Variants in RAB3IL1 observed in about 807,000 individuals in gnomAD.
The protein encoded by RAB3IL1 is RAB3A interacting protein like 1, also known as guanine nucleotide exchange factor for Rab-3A.
RAB3IL1 carries 37 observed loss-of-function variants against 49.2 expected under a neutral mutation model. The observed-to-expected ratio is 0.75, with a 90% confidence interval of 0.58 to 0.99. RAB3IL1 has a LOEUF of 0.99. Ranked by LOEUF, RAB3IL1 falls within the 50% of genes least tolerant of loss-of-function variation. The pLI is 0.00. For missense variants in RAB3IL1, 484 were observed against 513.0 expected (o/e 0.94, Z 0.55); for synonymous variants, 193 against 213.9 (o/e 0.90, Z 0.85).
intron 4 of RAB3IL1, 46 bp downstream of exon 4, chr11:61,907,346 CA>C (rs1417049232): frequency 1.4e-5 from 22 of 1,594,332 alleles, no homozygotes; most frequent in Admixed American, 1.7e-5. Flanking sequence ...AGCCGGGAGG[CA>C]GGGGGGGTGC....
rs1041216344 is a variant in RAB3IL1 at position 61,908,301 on chromosome 11, G to A, written c.17C>T (p.Pro6Leu). 6.8e-7 allele frequency: 1 copy of A among 1,474,758 alleles called. No individual in the cohort carries two copies. The allele number at this position is 1,474,758 out of a possible 1,614,324, so 91.4% of individuals were successfully genotyped here. A position where few individuals can be genotyped will look rare whatever the true frequency, so the allele number is the denominator to read the frequency against. ...CGGCGGGAGGCCCTGGTCTGGCTGG[G>A]GTGGGCTGGAGACAAACAAGGGTAT... The part of the protein sequence containing the change: MWSGP[P>L]QPDQGLPPPL... The change falls in exon 2 of 10, where the codon CCC (proline) becomes CTC (leucine). Residue 6 changes from proline (P) to leucine (L), a missense_variant. By Grantham distance (98) the Pro-to-Leu change is moderately conservative. Transcript: ENST00000394836.
chr11:61,904,441 G>T, intron 7 of RAB3IL1, 105 bp downstream of exon 7: 1 of 1,141,170 alleles, frequency 8.8e-7, no homozygotes, highest in Non-Finnish European at 1.3e-6. Flanking sequence ...AACTGTCCCT[G>T]TCCTGTCGGC....
chr11:61,938,713 G>T, the RAB3IL1 span, among the ~76,000 whole-genome samples: 1 of 152,008 alleles, frequency 6.6e-6, no homozygotes, highest in African/African-American at 2.4e-5. Flanking sequence ...ATCACCTGAG[G>T]TCAGGAATTC....
the RAB3IL1 span, among the ~76,000 whole-genome samples, chr11:61,934,450 G>GTGTGTGTA: frequency 5.7e-4 from 18 of 31,616 alleles, no homozygotes; most frequent in African/African-American, 1.6e-3. Flanking sequence ...GTGTGTGTAT[G>GTGTGTGTA]TATATATATA....
chr11:61,927,710 T>C, the RAB3IL1 span, among the ~76,000 whole-genome samples: 8 of 9,048 alleles, frequency 8.8e-4, no homozygotes, highest in East Asian at 0.03. Context: ...CCCCCTGCTG[T>C]TCTTGTGCCA....
chr11:61,934,472 A>G, the RAB3IL1 span, among the ~76,000 whole-genome samples: 461 of 60,070 alleles, frequency 7.7e-3, 17 homozygotes, highest in African/African-American at 0.015. Flanking sequence ...ATATATATAT[A>G]TATATATATA....
At chr11:61,923,869 G>C (rs1341523774), upstream of RAB3IL1, among the ~76,000 whole-genome samples, 3 of 152,152 alleles carry the variant, frequency 2.0e-5, no homozygotes, top group South Asian at 4.1e-4. Flanking sequence ...TGGCTCCAGG[G>C]AGAGGGGAAG....
At chr11:61,928,044 G>A in the RAB3IL1 span, among the ~76,000 whole-genome samples, 2 of 152,088 alleles carry the variant, frequency 1.3e-5, no homozygotes, top group Non-Finnish European at 2.9e-5. Context: ...GGAGTGTGAT[G>A]TGAACGGATT....
At chr11:61,943,456 T>C in the RAB3IL1 span, among the ~76,000 whole-genome samples, 1 of 152,198 alleles carries the variant, frequency 6.6e-6, no homozygotes, top group East Asian at 1.9e-4. Context: ...TAAATTAAAA[T>C]TTTAATGTTT....
At chr11:61,920,654 A>T (rs1404788454), upstream of RAB3IL1, among the ~76,000 whole-genome samples, 3 of 152,326 alleles carry the variant, frequency 2.0e-5, no homozygotes, top group African/African-American at 7.2e-5. Flanking sequence ...TGGGGCGCGG[A>T]GGCTCACGCC....
chr11:61,920,432 C>A (rs1156238512), upstream of RAB3IL1, among the ~76,000 whole-genome samples: 1 of 139,958 alleles, frequency 7.1e-6, no homozygotes. Context: ...GGCTCTGGGC[C>A]AGGGGAGGTG....
chr11:61,908,179 C>T lies in RAB3IL1; in HGVS notation c.139G>A (p.Glu47Lys), dbSNP rs1054891396. The change falls in exon 2 of 10, where the codon GAG becomes AAG. Residue 47 changes from glutamate to lysine, a missense_variant. Coordinates refer to ENST00000394836, the MANE Select transcript of RAB3IL1 (RefSeq NM_013401.4). ...GCGGGGCCCTCCTGGCCTTGGGCCT[C>T]CTCCCCTGCAGAGGTCTCCACCAGG... ...GALVETSAGE[E>K]AQGQEGPAAA... is the part of the protein sequence containing the mutation. 1.9e-6 allele frequency: 3 copies of T among 1,555,418 alleles called. No individual in the cohort carries two copies. Among genetic ancestry groups the T allele is most frequent in the Non-Finnish European group, 2.6e-6 (3 of 1,151,938 alleles).
rs1379866656 is a variant in RAB3IL1 at position 61,907,703 on chromosome 11, A to T, written c.265-43T>A. On this transcript the variant is annotated intron_variant, in intron 2 of 9. Transcript: ENST00000394836. ...GGCACTTGAGCACCTCAGCATCCCCAGGCCTGGCACGGGAGGGACCAGGCC... is the reference window on the plus strand; with the variant it reads ...GGCACTTGAGCACCTCAGCATCCCCTGGCCTGGCACGGGAGGGACCAGGCC... 3.2e-6 allele frequency: 5 copies of T among 1,582,676 alleles called. No individual in the cohort carries two copies. In the East Asian group the frequency reaches 6.7e-5, roughly 21 times the overall value.
chr11:61,925,891 C>T, the RAB3IL1 span, among the ~76,000 whole-genome samples: 2 of 152,076 alleles, frequency 1.3e-5, no homozygotes, highest in African/African-American at 4.8e-5. Flanking sequence ...GATGGTTAAA[C>T]ATTTTTGAGC....
upstream of RAB3IL1, among the ~76,000 whole-genome samples, chr11:61,921,681 T>C (rs1939911544): frequency 6.6e-6 from 1 of 152,080 alleles, no homozygotes; most frequent in South Asian, 2.1e-4. Flanking sequence ...TCGTCACCCT[T>C]CTCAGTGTCA....
At chr11:61,919,043 C>A (rs1939825386), upstream of RAB3IL1, among the ~76,000 whole-genome samples, 1 of 152,176 alleles carries the variant, frequency 6.6e-6, no homozygotes, top group South Asian at 2.1e-4. Context: ...ATCAGTTGGT[C>A]TTGAGCAACT....
At chr11:61,909,395 C>T (rs1285217584) in intron 1 of RAB3IL1, among the ~76,000 whole-genome samples, 2 of 152,198 alleles carry the variant, frequency 1.3e-5, no homozygotes, top group African/African-American at 4.8e-5. Flanking sequence ...CCAAGCAGCC[C>T]CTGAGCCTCA....
chr11:61,906,490 G>A lies in RAB3IL1; in HGVS notation c.633C>T (p.Leu211=), dbSNP rs1289871727. The A allele has an allele frequency of 1.3e-6, 2 of 1,545,954 alleles. No individual in the cohort carries two copies. The highest frequency in any genetic ancestry group is 1.2e-5 in the South Asian group (1 of 84,108). The part of the protein sequence containing the change: ...PAVCPAAGHT[L]TPDREGKEVD... Reference sequence around the variant, plus strand: ...CCTCCTTGCCCTCTCTGTCTGGGGTGAGGGTGTGTCCCGCAGCGGGACACA... The same window carrying A: ...CCTCCTTGCCCTCTCTGTCTGGGGTAAGGGTGTGTCCCGCAGCGGGACACA... Residue 211 remains leucine (L), a synonymous_variant, in exon 5 of 10, where the codon CTC becomes CTT. Transcript: ENST00000394836. The surrounding 1 kb of genome is among the most constrained non-coding windows in gnomAD (Gnocchi z 4.6).
chr11:61,927,219 T>C, the RAB3IL1 span, among the ~76,000 whole-genome samples: 1 of 152,210 alleles, frequency 6.6e-6, no homozygotes, highest in East Asian at 1.9e-4. Context: ...TTGACATGCA[T>C]GCCCCCCCCT....
Sources: allele counts gnomAD v4.1 joint callset (sites outside exome capture counted in the v4.1 genomes callset), GRCh38; gene constraint gnomAD v4.1.1; non-coding constraint Gnocchi (gnomAD v3.1); transcripts MANE v1.5; gene names NCBI Gene and HGNC (gene_info 2026-07-23, HGNC 2026-07-21).